LPP: variants seen among roughly 807,000 people sequenced by gnomAD.
The protein encoded by LPP is LIM domain containing preferred translocation partner in lipoma.
Under a neutral mutation model 60.4 loss-of-function variants are expected in LPP, and 38 were observed. That is an observed-to-expected ratio of 0.63 (90% confidence interval 0.49 to 0.83). LPP has a LOEUF of 0.83. Among genes scored for constraint, LPP ranks in the 40% least tolerant of loss-of-function variants. LPP has a pLI of 0.00. For missense variants in LPP, 902 were observed against 783.6 expected (o/e 1.15, Z -1.80); for synonymous variants, 328 against 290.8 (o/e 1.13, Z -1.30).
intron 9 of LPP, among the ~76,000 whole-genome samples, chr3:188,772,440 C>G (rs996393283): frequency 5.3e-5 from 8 of 152,208 alleles, no homozygotes; most frequent in Admixed American, 3.9e-4. Flanking sequence ...CCAGTACTGA[C>G]AGGAACCCCT....
intron 9 of LPP, among the ~76,000 whole-genome samples, chr3:188,853,301 T>A (rs575818320): frequency 1.8e-4 from 27 of 152,308 alleles, no homozygotes; most frequent in African/African-American, 5.8e-4. Context: ...TTTGGTGTAG[T>A]CATCTTTGAA....
intron 1 of LPP, among the ~76,000 whole-genome samples, chr3:188,209,042 A>G (rs559189631): frequency 1.3e-5 from 2 of 152,320 alleles, no homozygotes; most frequent in East Asian, 3.9e-4. Flanking sequence ...CAGAGCGCCT[A>G]TTTTAATCTC....
At chr3:188,316,222 G>A (rs1371091111) in intron 2 of LPP, among the ~76,000 whole-genome samples, 1 of 152,214 alleles carries the variant, frequency 6.6e-6, no homozygotes, top group Non-Finnish European at 1.5e-5. Flanking sequence ...AGGTTGCAGT[G>A]AGCCAGGATC....
At chr3:188,240,722 T>C (rs547484890) in intron 2 of LPP, among the ~76,000 whole-genome samples, 1 of 152,260 alleles carries the variant, frequency 6.6e-6, no homozygotes, top group African/African-American at 2.4e-5. Context: ...TTTGGGATTC[T>C]TCCCTCAGAC....
chr3:188,354,199 T>C (rs1766825752), intron 3 of LPP, among the ~76,000 whole-genome samples: 1 of 152,174 alleles, frequency 6.6e-6, no homozygotes, highest in Admixed American at 6.5e-5. Context: ...GTCTTCTTTT[T>C]TTAATGTATA....
Position 188,682,238 on chromosome 3 carries a change from G to C in LPP, c.1114-26029G>C, listed in dbSNP as rs540452209. ...ATTTGCTATATTAATAGCAAAGCAAGAAATGTCACACAAAGAAAAATTGTT... is the reference window on the plus strand; with the variant it reads ...ATTTGCTATATTAATAGCAAAGCAACAAATGTCACACAAAGAAAAATTGTT... On this transcript the variant is annotated intron_variant, in intron 7 of 11. Coordinates refer to ENST00000617246, the MANE Select transcript of LPP (RefSeq NM_001375462.1). Among the ~76,000 whole-genome samples the C allele has an allele frequency of 5.3e-5, 8 of 152,282 alleles. No homozygotes were observed. In the South Asian group the frequency reaches 1.5e-3, roughly 28 times the overall value.
At chr3:188,765,297 AACACACACACACACACACACACAC>A (rs60149759) in intron 9 of LPP, among the ~76,000 whole-genome samples, 1 of 143,962 alleles carries the variant, frequency 6.9e-6, no homozygotes, top group East Asian at 2.1e-4. Flanking sequence ...TGTCTCACAC[AACACACACACACACACACACACAC>A]ACACACACAC....
At chr3:188,606,794 T>G (rs747608586) in intron 6 of LPP, among the ~76,000 whole-genome samples, 5 of 152,066 alleles carry the variant, frequency 3.3e-5, no homozygotes, top group Non-Finnish European at 5.9e-5. Flanking sequence ...CATAAAAAAG[T>G]CAGCGTAGAT....
Position 188,744,152 on chromosome 3 carries a change from A to C in LPP, c.1241-15961A>C, listed in dbSNP as rs532218232. Among the ~76,000 whole-genome samples, 15 of 152,302 alleles carry C rather than the reference A, an allele frequency of 9.8e-5. No individual in the cohort carries two copies. In the East Asian group the frequency reaches 2.9e-3, roughly 29 times the overall value. On this transcript the variant is annotated intron_variant, in intron 8 of 11. Coordinates refer to ENST00000617246, the MANE Select transcript of LPP (RefSeq NM_001375462.1). Reference sequence around the variant, plus strand: ...CACAAACATATATACACAGCCATTTACTTACACACGTGTACACAAAGGTGT... The same window carrying C: ...CACAAACATATATACACAGCCATTTCCTTACACACGTGTACACAAAGGTGT...
At chr3:188,839,351 G>C (rs928599688) in intron 9 of LPP, among the ~76,000 whole-genome samples, 3 of 152,320 alleles carry the variant, frequency 2.0e-5, no homozygotes, top group African/African-American at 7.2e-5. Context: ...AAGGCCCACA[G>C]CTCCATTATG....
At chr3:188,749,792 TTATA>T (rs1378927097) in intron 8 of LPP, among the ~76,000 whole-genome samples, 1 of 152,238 alleles carries the variant, frequency 6.6e-6, no homozygotes, top group Non-Finnish European at 1.5e-5. Flanking sequence ...TTTTCAGTCT[TTATA>T]TATCACAATT....
chr3:188,567,186 T>C (rs746726391), intron 6 of LPP, among the ~76,000 whole-genome samples: 5 of 151,918 alleles, frequency 3.3e-5, no homozygotes, highest in Non-Finnish European at 5.9e-5. Context: ...GAGATGACGC[T>C]GTAAAACTTT....
At chr3:188,429,703 C>T (rs906275282) in intron 4 of LPP, among the ~76,000 whole-genome samples, 2 of 152,144 alleles carry the variant, frequency 1.3e-5, no homozygotes, top group Admixed American at 6.6e-5. Context: ...CATTCTGACT[C>T]GTCTTCTTTT....
chr3:188,857,990 G>A (rs1764245109), intron 9 of LPP, among the ~76,000 whole-genome samples: 1 of 152,124 alleles, frequency 6.6e-6, no homozygotes, highest in African/African-American at 2.4e-5. Flanking sequence ...TTGATAATAT[G>A]TGAACTCATT....
intron 9 of LPP, among the ~76,000 whole-genome samples, chr3:188,852,244 G>C (rs779451296): frequency 6.6e-6 from 1 of 152,098 alleles, no homozygotes; most frequent in Non-Finnish European, 1.5e-5. Context: ...TGAGGTTTCT[G>C]GTGTGAGGTC....
chr3:188,741,730 G>A (rs554303843), intron 8 of LPP, among the ~76,000 whole-genome samples: 140 of 151,694 alleles, frequency 9.2e-4, no homozygotes, highest in African/African-American at 3.1e-3. Context: ...CCTTAGATAG[G>A]CAAATATTTC....
At chr3:188,774,129 T>G (rs1736962956) in intron 9 of LPP, among the ~76,000 whole-genome samples, 1 of 152,208 alleles carries the variant, frequency 6.6e-6, no homozygotes, top group South Asian at 2.1e-4. Context: ...TACCTTGCAC[T>G]TAAATAAATT....
In LPP at chr3:188,609,754, C is replaced by G; in HGVS notation, c.1023C>G (p.Asn341Lys). 7 of 1,614,092 alleles carry G rather than the reference C, an allele frequency of 4.3e-6. No homozygotes were observed. Among genetic ancestry groups the G allele is most frequent in the Non-Finnish European group, 5.9e-6 (7 of 1,180,008 alleles). Reference protein sequence around the residue: ...GYTPPGAGNQNPPGMYPVTGP... With the variant: ...GYTPPGAGNQKPPGMYPVTGP... ...CTCCTCCTGGAGCAGGGAACCAGAA[C>G]CCTCCTGGGATGTATCCAGTCACTG... Residue 341 changes from asparagine to lysine, a missense_variant, in exon 7 of 12, where the codon AAC (asparagine) becomes AAG (lysine). Asn to Lys is a moderately conservative substitution (Grantham distance 94, BLOSUM62 0). Coordinates refer to ENST00000617246, the MANE Select transcript of LPP (RefSeq NM_001375462.1). The surrounding 1 kb of genome is among the most constrained non-coding windows in gnomAD (Gnocchi z 6.9).
At chr3:188,683,984 T>C (rs1050347207) in intron 7 of LPP, among the ~76,000 whole-genome samples, 7 of 152,252 alleles carry the variant, frequency 4.6e-5, no homozygotes, top group Non-Finnish European at 1.0e-4. Context: ...GTCATTTTAA[T>C]CTCAGGCTAT....
Sources: allele counts gnomAD v4.1 joint callset (sites outside exome capture counted in the v4.1 genomes callset), GRCh38; gene constraint gnomAD v4.1.1; non-coding constraint Gnocchi (gnomAD v3.1); transcripts MANE v1.5; gene names NCBI Gene and HGNC (gene_info 2026-07-23, HGNC 2026-07-21).